Variants in RPTOR observed in about 807,000 individuals in gnomAD.
RPTOR encodes the protein regulatory-associated protein of mTOR.
RPTOR carries 21 observed loss-of-function variants against 169.9 expected under a neutral mutation model. The ratio of observed to expected loss-of-function variants is 0.12; its 90% CI spans 0.09 to 0.18. RPTOR has a LOEUF of 0.18. Ranked by LOEUF, RPTOR falls within the 10% of genes least tolerant of loss-of-function variation. RPTOR has a pLI of 1.00. For synonymous variants in RPTOR, 732 were observed against 753.2 expected, an observed-to-expected ratio of 0.97 and a Z score of 0.46; for missense variants, 1,133 against 1,855.9, an observed-to-expected ratio of 0.61 and a Z score of 7.16.
chr17:80,597,465 A>G lies in RPTOR; in HGVS notation c.163-28226A>G, dbSNP rs144562182. Among the ~76,000 whole-genome samples the G allele has an allele frequency of 2.0e-3, 310 of 152,270 alleles. 3 individuals carry two copies. Among genetic ancestry groups the G allele is most frequent in the African/African-American group, 6.9e-3 (285 of 41,556 alleles). ...ATCTCAACCTTATATTGTAAAGGCAATGGGGAGCAGTGAAAGTTTTAAATA... is the reference window on the plus strand; with the variant it reads ...ATCTCAACCTTATATTGTAAAGGCAGTGGGGAGCAGTGAAAGTTTTAAATA... On this transcript the variant is annotated intron_variant, in intron 1 of 33. Coordinates refer to ENST00000306801, the MANE Select transcript of RPTOR (RefSeq NM_020761.3).
At chr17:80,792,501 C>T (rs529880030) in intron 7 of RPTOR, among the ~76,000 whole-genome samples, 4 of 152,090 alleles carry the variant, frequency 2.6e-5, no homozygotes, top group Non-Finnish European at 2.9e-5. Flanking sequence ...GCCGGGGAAG[C>T]GACACTGGTC....
intron 1 of RPTOR, among the ~76,000 whole-genome samples, chr17:80,611,208 G>A (rs2065268370): frequency 6.6e-6 from 1 of 152,094 alleles, no homozygotes; most frequent in Non-Finnish European, 1.5e-5. Context: ...TGCTCTTTCT[G>A]TCACACTTTT....
At chr17:80,902,329 A>C (rs1366965678) in intron 20 of RPTOR, among the ~76,000 whole-genome samples, 1 of 152,198 alleles carries the variant, frequency 6.6e-6, no homozygotes, top group African/African-American at 2.4e-5. Context: ...CCCCCGTCTC[A>C]GCAGCAGCCG....
At chr17:80,801,326 C>CT (rs1440769295) in intron 7 of RPTOR, among the ~76,000 whole-genome samples, 2 of 152,090 alleles carry the variant, frequency 1.3e-5, no homozygotes, top group East Asian at 3.9e-4. Context: ...TGTTATCTAC[C>CT]TTTTAAAAGA....
At chr17:80,558,116 G>C (rs566180897) in intron 1 of RPTOR, among the ~76,000 whole-genome samples, 2 of 151,406 alleles carry the variant, frequency 1.3e-5, no homozygotes, top group Non-Finnish European at 2.9e-5. Flanking sequence ...ACTGGGCAAT[G>C]TGGTGAAACT....
chr17:80,933,355 A>G (rs2068920659), intron 24 of RPTOR, among the ~76,000 whole-genome samples: 1 of 152,216 alleles, frequency 6.6e-6, no homozygotes, highest in African/African-American at 2.4e-5. Flanking sequence ...AAAACCCTAA[A>G]AATGCAATCA....
At chr17:80,684,757 T>C (rs56279524) in intron 3 of RPTOR, among the ~76,000 whole-genome samples, 2,807 of 152,290 alleles carry the variant, frequency 0.018, 91 homozygotes, top group African/African-American at 0.063. Context: ...GTTATTTTCT[T>C]ATATCCTGCT....
chr17:80,625,853 G>A lies in RPTOR; in HGVS notation c.265+60G>A, dbSNP rs1055179772. ...CCGTCTGGCCGGCTCTGGCCTGGGC[G>A]GGGCTCGCCAAGCCTGTGGTCTGGT... On this transcript the variant is annotated intron_variant, in intron 2 of 33. Coordinates refer to ENST00000306801, the MANE Select transcript of RPTOR (RefSeq NM_020761.3). The A allele has an allele frequency of 5.5e-5, 69 of 1,243,422 alleles. 1 individual carries two copies. In the South Asian group the frequency reaches 6.5e-4, roughly 12 times the overall value. The allele number at this position is 1,243,422 out of a possible 1,614,324, so 77.0% of individuals were successfully genotyped here. A position where few individuals can be genotyped will look rare whatever the true frequency, so the allele number is the denominator to read the frequency against.
chr17:80,905,704 C>T (rs2068533516), intron 20 of RPTOR, among the ~76,000 whole-genome samples: 1 of 152,182 alleles, frequency 6.6e-6, no homozygotes, highest in Admixed American at 6.5e-5. Context: ...TCCTGTGGAG[C>T]CCTGACCTAG....
chr17:80,600,221 T>A (rs1428110579), intron 1 of RPTOR, among the ~76,000 whole-genome samples: 2 of 152,184 alleles, frequency 1.3e-5, no homozygotes, highest in African/African-American at 4.8e-5. Flanking sequence ...AAAGGGCTTG[T>A]CTCTTTATGG....
chr17:80,905,103 A>T (rs2068524172), intron 20 of RPTOR, among the ~76,000 whole-genome samples: 4 of 151,938 alleles, frequency 2.6e-5, no homozygotes, highest in Admixed American at 2.6e-4. Flanking sequence ...CACATCCCCC[A>T]TCGTGCTTGC....
intron 13 of RPTOR, among the ~76,000 whole-genome samples, chr17:80,863,844 C>T (rs914793571): frequency 2.5e-4 from 38 of 152,216 alleles, no homozygotes; most frequent in South Asian, 4.1e-4. Flanking sequence ...CGCTTGAGCC[C>T]GGGAGGTCGA....
chr17:80,962,592 C>T lies in RPTOR; in HGVS notation c.3809+15C>T. 1.2e-6 allele frequency: 2 copies of T among 1,600,764 alleles called. No homozygotes were observed. The highest frequency in any genetic ancestry group is 2.2e-5 in the East Asian group (1 of 44,816). ...CTGATCGCATGGTAGGCGCCACCCA[C>T]CTCCCTGGCCTGCACCGCTCACCCG... On this transcript the variant is annotated intron_variant, in intron 32 of 33. Transcript: ENST00000306801.
intron 13 of RPTOR, 68 bp from the exon 14 acceptor site, chr17:80,880,347 C>T (rs1489693036): frequency 3.0e-6 from 4 of 1,320,228 alleles, no homozygotes; most frequent in South Asian, 2.3e-5. Flanking sequence ...CGTTCACGCA[C>T]CATGAGAAGC....
intron 11 of RPTOR, among the ~76,000 whole-genome samples, chr17:80,853,766 C>T (rs891917163): frequency 2.0e-5 from 3 of 152,192 alleles, no homozygotes; most frequent in Admixed American, 6.5e-5. Context: ...ATCACAAGGT[C>T]AGGAGATCAA....
chr17:80,620,956 C>T (rs895264379), intron 1 of RPTOR, among the ~76,000 whole-genome samples: 8 of 152,126 alleles, frequency 5.3e-5, no homozygotes, highest in Non-Finnish European at 1.0e-4. Context: ...AGTGTATTCG[C>T]GAGGTGCTTT....
At chr17:80,570,603 G>A (rs1216897667) in intron 1 of RPTOR, among the ~76,000 whole-genome samples, 3 of 152,026 alleles carry the variant, frequency 2.0e-5, no homozygotes, top group African/African-American at 7.2e-5. Context: ...TGGGACTACG[G>A]GTATCCACCA....
chr17:80,621,083 A>G (rs746026149), intron 1 of RPTOR, among the ~76,000 whole-genome samples: 4 of 152,216 alleles, frequency 2.6e-5, no homozygotes, highest in Non-Finnish European at 4.4e-5. Flanking sequence ...TAGTGTAGCT[A>G]CTTTCACACA....
intron 33 of RPTOR, among the ~76,000 whole-genome samples, 171 bp downstream of exon 33, chr17:80,963,228 C>T (rs1192444005): frequency 6.6e-6 from 1 of 152,088 alleles, no homozygotes; most frequent in African/African-American, 2.4e-5. Context: ...GGCCCCTGCC[C>T]CACCCTGCAC....
Sources: gnomAD v4.1 joint callset for allele counts (sites outside exome capture counted in the v4.1 genomes callset) on GRCh38, gnomAD v4.1.1 for gene constraint, MANE v1.5 for transcripts, NCBI Gene and HGNC (gene_info 2026-07-23, HGNC 2026-07-21) for gene names.